The following DKK3 variants were observed in gnomAD, a reference collection of about 807,000 sequenced individuals.
DKK3 encodes dickkopf-related protein 3.
In DKK3, 22 loss-of-function variants were observed where a neutral mutation model predicts 33.2. The ratio of observed to expected loss-of-function variants is 0.66; its 90% CI spans 0.47 to 0.95. The LOEUF (loss-of-function observed/expected upper bound fraction) is 0.95, where lower values mean the gene tolerates loss of function less well. DKK3 is among the 40% of genes least tolerant of loss of function. The pLI is 0.00. For missense variants in DKK3, 398 were observed against 458.4 expected (o/e 0.87, Z 1.20); for synonymous variants, 194 against 188.8 (o/e 1.03, Z -0.23).
At chr11:11,976,396 T>C (rs1456085004) in intron 3 of DKK3, among the ~76,000 whole-genome samples, 2 of 152,242 alleles carry the variant, frequency 1.3e-5, no homozygotes, top group Non-Finnish European at 2.9e-5. Context: ...CCCCTGAGCA[T>C]CCATCACCTC....
At position 11,963,290 on chromosome 11, in the gene DKK3, G is replaced by C. The variant is rs913463977; in HGVS notation, c.*1174C>G. ...CATTTGTGGAGTGGCGTAGAGTTCA[G>C]TGTTCGCAGTCGCATATTACAACCA... On this transcript the variant is annotated 3_prime_UTR_variant, in exon 7 of 7. Coordinates refer to ENST00000683431, the MANE Select transcript of DKK3 (RefSeq NM_001018057.2). 2 of 152,606 alleles carry C rather than the reference G, an allele frequency of 1.3e-5. No homozygotes were observed. Among genetic ancestry groups the C allele is most frequent in the African/African-American group, 2.4e-5 (1 of 41,460 alleles). 9.5% of individuals were successfully genotyped at this position (152,606 alleles called of 1,614,324 possible). A position where few individuals can be genotyped will look rare whatever the true frequency, so the allele number is the denominator to read the frequency against.
At chr11:11,968,743 G>T (rs1490520522) in intron 3 of DKK3, 4 of 402,650 alleles carry the variant, frequency 9.9e-6, no homozygotes, top group Non-Finnish European at 1.8e-5. Flanking sequence ...CGCCATCTGT[G>T]CACAGTTCTC....
At chr11:12,009,377 C>CCGAGCCCCGCCCGCCCACCAGG (rs1450736115), upstream of DKK3, 1 of 974,818 alleles carries the variant, frequency 1.0e-6, no homozygotes, top group African/African-American at 1.8e-5. Context: ...CGCCCCCGCC[C>CCGAGCCCCGCCCGCCCACCAGG]CGAGCCCCGC....
upstream of DKK3, chr11:12,008,787 C>A: frequency 8.4e-7 from 1 of 1,186,056 alleles, no homozygotes; most frequent in Non-Finnish European, 1.0e-6. This position sits in a 1 kb window ranked among gnomAD's most constrained non-coding sequence, Gnocchi z 4.6. Flanking sequence ...AAAGACGCGA[C>A]CCCACCCGCT....
At chr11:11,984,099 T>G (rs1052299763) in intron 3 of DKK3, among the ~76,000 whole-genome samples, 2 of 152,184 alleles carry the variant, frequency 1.3e-5, no homozygotes, top group Non-Finnish European at 2.9e-5. Context: ...ACACTGGCCT[T>G]TTTAAAATAA....
At chr11:11,990,340 G>GC (rs1364566976) in intron 3 of DKK3, among the ~76,000 whole-genome samples, 1 of 152,246 alleles carries the variant, frequency 6.6e-6, no homozygotes, top group East Asian at 1.9e-4. Context: ...CTGGCACCAA[G>GC]CAAAAGCAAA....
intron 1 of DKK3, among the ~76,000 whole-genome samples, chr11:12,003,261 C>T (rs963173576): frequency 3.3e-5 from 5 of 152,172 alleles, no homozygotes; most frequent in Admixed American, 6.5e-5. Flanking sequence ...AACTTACTCC[C>T]TGTAGGTAGG....
rs1848038149 is a variant in DKK3, at chr11:11,984,955, A to G, written c.435+13741T>C. ...AGAATTTTTTAACTTTTCAAGTTGA[A>G]TCGTTTATGCTAATGAGCCTGGGAA... On this transcript the variant is annotated intron_variant, in intron 3 of 6. Transcript: ENST00000683431. Among the ~76,000 whole-genome samples the G allele has an allele frequency of 2.0e-5, 3 of 152,214 alleles. No homozygotes were observed. In the South Asian group the frequency reaches 6.2e-4, roughly 32 times the overall value.
chr11:12,005,847 A>G (rs561051342), intron 1 of DKK3, among the ~76,000 whole-genome samples: 1 of 152,250 alleles, frequency 6.6e-6, no homozygotes. Flanking sequence ...CACAGTCTAT[A>G]AACAATCTAT....
At chr11:11,983,442 G>A (rs1244203918) in intron 3 of DKK3, among the ~76,000 whole-genome samples, 2 of 152,304 alleles carry the variant, frequency 1.3e-5, no homozygotes, top group Non-Finnish European at 1.5e-5. Flanking sequence ...TGGAGCCTTC[G>A]GTGGGGCAGG....
chr11:12,001,351 A>G (rs3750940), intron 2 of DKK3, among the ~76,000 whole-genome samples: 29,543 of 152,168 alleles, frequency 0.19, 3,051 homozygotes, highest in Admixed American at 0.3. Flanking sequence ...CACAAAAGCT[A>G]CTTTATAGTC....
chr11:12,009,500 G>A (rs1848615023), upstream of DKK3: 2 of 929,974 alleles, frequency 2.2e-6, no homozygotes, highest in African/African-American at 3.6e-5. Flanking sequence ...CTGCCTCAGC[G>A]ACCAGCTCTA....
intron 3 of DKK3, among the ~76,000 whole-genome samples, chr11:11,990,412 G>A (rs887874847): frequency 1.3e-5 from 2 of 152,212 alleles, no homozygotes; most frequent in Non-Finnish European, 2.9e-5. Context: ...TTTTTGCAGG[G>A]TACAGGCTTT....
chr11:11,968,420 C>A lies in DKK3; in HGVS notation c.503G>T (p.Cys168Phe). 6.2e-7 allele frequency: 1 copy of A among 1,613,244 alleles called. No individual in the cohort carries two copies. Residue 168 changes from cysteine (C) to phenylalanine (F), a missense_variant, in exon 4 of 7, where the codon TGC (cysteine) becomes TTC (phenylalanine). By Grantham distance (205) the Cys-to-Phe change is radical. Coordinates refer to ENST00000683431, the MANE Select transcript of DKK3 (RefSeq NM_001018057.2). ...YCQFASFQYTCQPCRGQRMLC... is the reference protein window; with the variant it reads ...YCQFASFQYTFQPCRGQRMLC... ...CATCCTCTGGCCCCGGCATGGCTGG[C>A]AGGTGTACTGGAAGCTGGCAAACTG...
intron 3 of DKK3, among the ~76,000 whole-genome samples, chr11:11,985,977 A>T (rs187752101): frequency 6.6e-6 from 1 of 152,292 alleles, no homozygotes; most frequent in Admixed American, 6.5e-5. Context: ...AGATTTAATC[A>T]AAAAGGGAGG....
chr11:12,009,605 G>A (rs1848616294), upstream of DKK3: 3 of 985,904 alleles, frequency 3.0e-6, no homozygotes, highest in Admixed American at 1.8e-4. Context: ...GCCCACCGAG[G>A]TTGGGGGTAG....
At position 11,964,487 on chromosome 11, in the gene DKK3, G is replaced by C. The variant is rs1318445624; in HGVS notation, c.1030C>G (p.Leu344Val). 2 of 1,612,978 alleles carry C rather than the reference G, an allele frequency of 1.2e-6. No homozygotes were observed. Among genetic ancestry groups the C allele is most frequent in the Non-Finnish European group, 1.7e-6 (2 of 1,180,026 alleles). Reference sequence around the variant, plus strand: ...ATCTAAATCTCTTCCCCTCCCAGCAGTGCAGCGGCGGCAGCCGCAGGCTCC... The same window carrying C: ...ATCTAAATCTCTTCCCCTCCCAGCACTGCAGCGGCGGCAGCCGCAGGCTCC... Reference protein sequence around the residue: ...LREPAAAAAALLGGEEI With the variant: ...LREPAAAAAAVLGGEEI The change falls in exon 7 of 7, where the codon CTG becomes GTG. Residue 344 changes from leucine (L) to valine (V), a missense_variant. By Grantham distance (32) the Leu-to-Val change is conservative. Transcript: ENST00000683431.
chr11:11,980,940 T>G (rs1847941869), intron 3 of DKK3, among the ~76,000 whole-genome samples: 1 of 152,068 alleles, frequency 6.6e-6, no homozygotes, highest in Admixed American at 6.5e-5. Flanking sequence ...CCTCAGTCCC[T>G]AAAGCCCCCA....
At position 12,002,337 on chromosome 11, in the gene DKK3, C is replaced by G; in HGVS notation, c.314G>C (p.Gly105Ala). The G allele has an allele frequency of 6.2e-7, 1 of 1,614,066 alleles. No homozygotes were observed. The highest frequency in any genetic ancestry group is 1.3e-5 in the African/African-American group (1 of 75,046). The stretch of plus-strand genomic sequence containing the variant: ...TCGGTGCACATGGATGGTATTATTT[C>G]CAACCTTCGTGTCTGTGTTGGTCTC... The part of the protein sequence containing the change: ...HNETNTDTKV[G>A]NNTIHVHREI... The change falls in exon 2 of 7, where the codon GGA (glycine) becomes GCA (alanine). Residue 105 changes from glycine to alanine, a missense_variant. Gly to Ala is a moderately conservative substitution (Grantham distance 60, BLOSUM62 0). Coordinates refer to ENST00000683431, the MANE Select transcript of DKK3 (RefSeq NM_001018057.2).
Sources: allele counts gnomAD v4.1 joint callset (sites outside exome capture counted in the v4.1 genomes callset), GRCh38; gene constraint gnomAD v4.1.1; non-coding constraint Gnocchi (gnomAD v3.1); transcripts MANE v1.5; gene names NCBI Gene and HGNC (gene_info 2026-07-23, HGNC 2026-07-21).